Variants in CCDC158 observed in about 807,000 individuals in gnomAD.
The protein encoded by CCDC158 is coiled-coil domain containing 158.
CCDC158 carries 116 observed loss-of-function variants against 138.6 expected under a neutral mutation model. That is an observed-to-expected ratio of 0.84 (90% CI 0.72 to 0.98). CCDC158 has a LOEUF of 0.98. Ranked by LOEUF, CCDC158 falls within the 50% of genes least tolerant of loss-of-function variation. The probability of loss-of-function intolerance (pLI) is 0.00; values close to 1 mark genes in which losing one functional copy is unlikely to be tolerated. For synonymous variants in CCDC158, 436 were observed against 442.4 expected (o/e 0.99, Z 0.18); for missense variants, 1,265 against 1,306.1 (o/e 0.97, Z 0.48).
At chr4:76,391,501 C>G (rs1046179564) in intron 4 of CCDC158, among the ~76,000 whole-genome samples, 7 of 151,400 alleles carry the variant, frequency 4.6e-5, no homozygotes, top group African/African-American at 1.7e-4. Context: ...AACACAACAT[C>G]CCAAAACCTA....
intron 23 of CCDC158, among the ~76,000 whole-genome samples, chr4:76,323,642 C>A (rs935464760): frequency 6.6e-6 from 1 of 152,060 alleles, no homozygotes; most frequent in Admixed American, 6.6e-5. Flanking sequence ...GTGCTCAAAC[C>A]AATCCGATGT....
rs190616112 is a variant in CCDC158, at chr4:76,392,773, T to G, written c.288+3496A>C. Among the ~76,000 whole-genome samples, 240 of 152,046 alleles carry G rather than the reference T, an allele frequency of 1.6e-3. 2 individuals carry two copies. Among genetic ancestry groups the G allele is most frequent in the African/African-American group, 5.5e-3 (227 of 41,558 alleles). On this transcript the variant is annotated intron_variant, in intron 4 of 24. Transcript: ENST00000682701. Reference sequence around the variant, plus strand: ...CCACCAAAAAAAATGTTAGAACTAATAAGCAAATTCAGTCAAGTTGCAGGA... The same window carrying G: ...CCACCAAAAAAAATGTTAGAACTAAGAAGCAAATTCAGTCAAGTTGCAGGA...
intron 9 of CCDC158, among the ~76,000 whole-genome samples, chr4:76,377,089 A>G (rs1286453508): frequency 6.6e-6 from 1 of 152,230 alleles, no homozygotes; most frequent in African/African-American, 2.4e-5. Context: ...AATTCTTTTT[A>G]TACATTTTAG....
chr4:76,346,935 C>G (rs533362447), intron 18 of CCDC158, among the ~76,000 whole-genome samples: 1 of 152,132 alleles, frequency 6.6e-6, no homozygotes, highest in Non-Finnish European at 1.5e-5. Context: ...AAAAGCTCAT[C>G]ATCACTGGTC....
At chr4:76,415,608 C>A (rs889420951) in intron 1 of CCDC158, among the ~76,000 whole-genome samples, 2 of 152,072 alleles carry the variant, frequency 1.3e-5, no homozygotes, top group South Asian at 4.2e-4. Context: ...TAGCTTGTAG[C>A]AATTATTCTT....
rs539907395 is a variant in CCDC158 at position 76,416,500 on chromosome 4, C to T, written c.-116-4368G>A. Among the ~76,000 whole-genome samples, 254 of 152,196 alleles carry T rather than the reference C, an allele frequency of 1.7e-3. 1 individual carries two copies. The highest frequency in any genetic ancestry group is 5.9e-3 in the African/African-American group (244 of 41,526). On this transcript the variant is annotated intron_variant, in intron 1 of 24. Coordinates refer to ENST00000682701, the MANE Select transcript of CCDC158 (RefSeq NM_001394954.1). ...ATGGGAAAATGTCTCCAGGCCATGT[C>T]AGAGACCTTCATGGCAGCCCACCCC...
chr4:76,328,861 A>T, intron 22 of CCDC158, 39 bp downstream of exon 22: 2 of 1,540,340 alleles, frequency 1.3e-6, no homozygotes, highest in Non-Finnish European at 1.8e-6. Flanking sequence ...ATGGGGAGAC[A>T]TTGTAGGGCC....
At chr4:76,399,531 T>C (rs899761049) in intron 3 of CCDC158, among the ~76,000 whole-genome samples, 1 of 151,948 alleles carries the variant, frequency 6.6e-6, no homozygotes, top group Non-Finnish European at 1.5e-5. Flanking sequence ...AGAGGGGGAA[T>C]CTGGCTACAT....
chr4:76,344,659 C>T, intron 18 of CCDC158: 4 of 1,609,864 alleles, frequency 2.5e-6, no homozygotes, highest in Non-Finnish European at 3.4e-6. Flanking sequence ...ACAAAGACCA[C>T]ACTGCCCATG....
Position 76,332,438 on chromosome 4 carries a change from C to T in CCDC158, c.2876G>A (p.Cys959Tyr). The change falls in exon 20 of 25, where the codon TGC (cysteine) becomes TAC (tyrosine). Residue 959 changes from cysteine (C) to tyrosine (Y), a missense_variant. By Grantham distance (194) the Cys-to-Tyr change is radical. Transcript: ENST00000682701. Reference protein sequence around the residue: ...ITESSLRSDMCHRSNNSLRDS... With the variant: ...ITESSLRSDMYHRSNNSLRDS... Reference sequence around the variant, plus strand: ...AATCTCAGATTCTTCTTACCTATGGCACATGTCTGATCTCAGGCTGGATTC... The same window carrying T: ...AATCTCAGATTCTTCTTACCTATGGTACATGTCTGATCTCAGGCTGGATTC... 6.2e-7 allele frequency: 1 copy of T among 1,609,362 alleles called. No individual in the cohort carries two copies. The highest frequency in any genetic ancestry group is 1.3e-5 in the African/African-American group (1 of 74,908).
At chr4:76,345,042 T>A (rs1722409478) in intron 18 of CCDC158, 1 of 1,372,124 alleles carries the variant, frequency 7.3e-7, no homozygotes, top group Non-Finnish European at 1.0e-6. Flanking sequence ...TACAATAGGA[T>A]CAACGATTCT....
At chr4:76,333,560 T>A (rs753010261) in intron 19 of CCDC158, among the ~76,000 whole-genome samples, 1 of 152,198 alleles carries the variant, frequency 6.6e-6, no homozygotes, top group Non-Finnish European at 1.5e-5. Flanking sequence ...GAAAACGAAG[T>A]ATTTCCTATT....
Position 76,384,652 on chromosome 4 carries a change from T to G in CCDC158, c.302A>C (p.His101Pro), listed in dbSNP as rs1273343728. 3.7e-6 allele frequency: 6 copies of G among 1,610,868 alleles called. No homozygotes were observed. Among genetic ancestry groups the G allele is most frequent in the Non-Finnish European group, 3.4e-6 (4 of 1,178,580 alleles). The change falls in exon 5 of 25, where the codon CAT becomes CCT. Residue 101 changes from histidine to proline, a missense_variant. By Grantham distance (77) the His-to-Pro change is moderately conservative (BLOSUM62 -2). Coordinates refer to ENST00000682701, the MANE Select transcript of CCDC158 (RefSeq NM_001394954.1). ...CCTCAAATAAAACTTTTGTTTCTCA[T>G]GCAATTCATTGCTCTGAAAAAAAAA... is the stretch of plus-strand genomic sequence containing the variant. The part of the protein sequence containing the change: ...QRRLNESNEL[H>P]EKQKFYLRQS...
rs370984394 is a variant in CCDC158 at position 76,379,369 on chromosome 4, C to T, written c.950G>A (p.Arg317His). Residue 317 changes from arginine to histidine, a missense_variant, in exon 9 of 25, where the codon CGT becomes CAT. Arg to His is a conservative substitution (Grantham distance 29). Coordinates refer to ENST00000682701, the MANE Select transcript of CCDC158 (RefSeq NM_001394954.1). Reference protein sequence around the residue: ...QARNQNSMYMRQLSDLESTVS... With the variant: ...QARNQNSMYMHQLSDLESTVS... ...AGTAGATTCCAGATCGCTGAGCTGA[C>T]GCATATACATAGAGTTTTGGTTTCT... 135 of 1,608,272 alleles carry T rather than the reference C, an allele frequency of 8.4e-5. No individual in the cohort carries two copies. Among genetic ancestry groups the T allele is most frequent in the African/African-American group, 2.9e-4 (22 of 74,874 alleles).
chr4:76,363,588 G>C (rs905350433), intron 12 of CCDC158, among the ~76,000 whole-genome samples: 5 of 152,138 alleles, frequency 3.3e-5, no homozygotes, highest in Admixed American at 3.3e-4. Flanking sequence ...TGAGCATAAG[G>C]ACAAGACACG....
intron 1 of CCDC158, among the ~76,000 whole-genome samples, chr4:76,412,371 G>C (rs1356517169): frequency 1.3e-5 from 2 of 152,154 alleles, no homozygotes; most frequent in African/African-American, 2.4e-5. Context: ...CCAACACTTT[G>C]GGAGGCTGAG....
chr4:76,323,508 A>C (rs1352543932), intron 23 of CCDC158, 99 bp from the exon 24 acceptor site: 2 of 899,536 alleles, frequency 2.2e-6, no homozygotes, highest in Non-Finnish European at 3.3e-6. Context: ...TTTAAAATAA[A>C]GGGAACTTTT....
chr4:76,345,769 T>C (rs1450145562), intron 18 of CCDC158, among the ~76,000 whole-genome samples: 4 of 152,258 alleles, frequency 2.6e-5, no homozygotes, highest in African/African-American at 7.2e-5. Flanking sequence ...AAATATTTGA[T>C]GCTCATGGAT....
At chr4:76,336,056 C>T (rs1022408860) in intron 18 of CCDC158, among the ~76,000 whole-genome samples, 1 of 151,614 alleles carries the variant, frequency 6.6e-6, no homozygotes, top group African/African-American at 2.4e-5. Context: ...GTGGCAGGCA[C>T]CTGTAGTCCC....
Sources: allele counts gnomAD v4.1 joint callset (sites outside exome capture counted in the v4.1 genomes callset), GRCh38; gene constraint gnomAD v4.1.1; transcripts MANE v1.5; gene names NCBI Gene and HGNC (gene_info 2026-07-23, HGNC 2026-07-21).